The following SEPTIN7 variants were observed in gnomAD, a reference collection of about 807,000 sequenced individuals.
The protein encoded by SEPTIN7 is septin-7.
SEPTIN7 carries 10 observed loss-of-function variants against 63.3 expected under a neutral mutation model. That is an observed-to-expected ratio of 0.16 (90% CI 0.10 to 0.27). SEPTIN7 has a LOEUF of 0.27. Ranked by LOEUF, SEPTIN7 falls within the 10% of genes least tolerant of loss-of-function variation. SEPTIN7 has a pLI of 1.00. For missense variants in SEPTIN7, 310 were observed against 521.0 expected (o/e 0.59, Z 3.94); for synonymous variants, 131 against 165.3 (o/e 0.79, Z 1.59).
At chr7:35,874,003 C>T in intron 6 of SEPTIN7, 2 of 423,764 alleles carry the variant, frequency 4.7e-6, no homozygotes, top group Non-Finnish European at 8.3e-6. Context: ...TTCCCTGCTT[C>T]ATGAAATAAA....
chr7:35,841,676 T>C (rs1390625964), intron 3 of SEPTIN7, among the ~76,000 whole-genome samples: 3 of 152,214 alleles, frequency 2.0e-5, no homozygotes, highest in East Asian at 1.9e-4. Context: ...GACAGAAATA[T>C]GAAGGCCGCA....
intron 10 of SEPTIN7, chr7:35,888,885 A>G (rs1787457427): frequency 3.0e-6 from 1 of 333,178 alleles, no homozygotes; most frequent in East Asian, 8.2e-5. Context: ...TTATATTGGC[A>G]TAGGTATTTG....
At chr7:35,897,785 C>T (rs189763744) in intron 11 of SEPTIN7, among the ~76,000 whole-genome samples, 5 of 152,050 alleles carry the variant, frequency 3.3e-5, no homozygotes, top group Admixed American at 2.6e-4. Context: ...GTTCAGTTAC[C>T]AAAATAAATA....
chr7:35,879,996 T>C, intron 7 of SEPTIN7, 56 bp downstream of exon 7: 3 of 944,532 alleles, frequency 3.2e-6, no homozygotes, highest in South Asian at 1.4e-5. Context: ...TTTGCAGTTT[T>C]TACTATTTTT....
intron 6 of SEPTIN7, among the ~76,000 whole-genome samples, chr7:35,875,465 C>G (rs1443910645): frequency 6.6e-6 from 1 of 152,148 alleles, no homozygotes; most frequent in Non-Finnish European, 1.5e-5. Flanking sequence ...TCCGTCTTGT[C>G]TGGGTAGTCC....
rs530882909 is a variant in SEPTIN7 at position 35,881,728 on chromosome 7, T to G, written c.631-756T>G. On this transcript the variant is annotated intron_variant, in intron 7 of 13. Transcript: ENST00000350320. ...TTTAGGTATATTAGCCATTGGTTTG[T>G]TATGGGTTCAAATAAGGATAGGTAG... Among the ~76,000 whole-genome samples, 26 of 152,046 alleles carry G rather than the reference T, an allele frequency of 1.7e-4. No homozygotes were observed. The South Asian group carries it at 5.4e-3, about 32-fold the overall frequency.
chr7:35,915,127 A>ATACATGCATATACACATG, the SEPTIN7 span, among the ~76,000 whole-genome samples: 2 of 151,464 alleles, frequency 1.3e-5, no homozygotes, highest in Admixed American at 6.6e-5. Context: ...ACATGTGTAT[A>ATACATGCATATACACATG]TATACATGCA....
At chr7:35,895,851 G>C (rs762667119) in intron 11 of SEPTIN7, among the ~76,000 whole-genome samples, 15 of 152,102 alleles carry the variant, frequency 9.9e-5, no homozygotes, top group African/African-American at 3.4e-4. Context: ...TGCTCTGTCA[G>C]CCAGGCTGGA....
intron 3 of SEPTIN7, among the ~76,000 whole-genome samples, chr7:35,841,491 C>T (rs190418593): frequency 9.8e-4 from 149 of 152,058 alleles, no homozygotes; most frequent in African/African-American, 3.3e-3. Flanking sequence ...TTTGACAGAC[C>T]GAGAGGCCTA....
chr7:35,865,383 A>AT (rs1785756335), intron 4 of SEPTIN7, among the ~76,000 whole-genome samples: 1 of 152,172 alleles, frequency 6.6e-6, no homozygotes, highest in Admixed American at 6.5e-5. Context: ...CCTGTTCTTG[A>AT]ATGTTACATA....
intron 12 of SEPTIN7, chr7:35,898,602 A>G: frequency 2.5e-6 from 1 of 403,076 alleles, no homozygotes; most frequent in Non-Finnish European, 4.5e-6. Context: ...TATATTAGGT[A>G]GGACAGTGTA....
Position 35,855,577 on chromosome 7 carries a change from A to T in SEPTIN7, c.170-7975A>T, listed in dbSNP as rs865777339. ...TCCAAATACTTTAGTCAGATCTCTT[A>T]GATTTTTATGTGTAATACTCATTTT... On this transcript the variant is annotated intron_variant, in intron 3 of 13. Transcript: ENST00000350320. Among the ~76,000 whole-genome samples the T allele has an allele frequency of 2.0e-5, 3 of 152,286 alleles. No homozygotes were observed. The South Asian group carries it at 6.2e-4, about 32-fold the overall frequency.
intron 1 of SEPTIN7, among the ~76,000 whole-genome samples, chr7:35,828,836 C>T (rs56329851): frequency 6.6e-6 from 1 of 152,134 alleles, no homozygotes; most frequent in African/African-American, 2.4e-5. Context: ...TCACAGCTCA[C>T]TGAAGCCTCA....
At chr7:35,846,366 CTG>C (rs911208129) in intron 3 of SEPTIN7, among the ~76,000 whole-genome samples, 1 of 152,144 alleles carries the variant, frequency 6.6e-6, no homozygotes, top group African/African-American at 2.4e-5. Flanking sequence ...GTGTTTTTCT[CTG>C]TGTGTTTCAT....
At chr7:35,868,515 G>A (rs879489185) in intron 4 of SEPTIN7, among the ~76,000 whole-genome samples, 1 of 151,912 alleles carries the variant, frequency 6.6e-6, no homozygotes, top group African/African-American at 2.4e-5. Context: ...TGCTGTAGAG[G>A]TGACCTTGGC....
downstream of SEPTIN7, among the ~76,000 whole-genome samples, chr7:35,907,721 GA>G (rs1788657076): frequency 6.6e-6 from 1 of 152,216 alleles, no homozygotes; most frequent in Non-Finnish European, 1.5e-5. Context: ...CCCTGATTAA[GA>G]GGGGCAGCTG....
chr7:35,845,815 AT>A (rs568396538), intron 3 of SEPTIN7, among the ~76,000 whole-genome samples: 1 of 151,880 alleles, frequency 6.6e-6, no homozygotes, highest in Non-Finnish European at 1.5e-5. Context: ...TTAGGAATTG[AT>A]TTTTTTTAAA....
intron 1 of SEPTIN7, among the ~76,000 whole-genome samples, chr7:35,825,138 A>T (rs758181875): frequency 6.6e-6 from 1 of 152,146 alleles, no homozygotes; most frequent in Non-Finnish European, 1.5e-5. Context: ...CATCATCAAT[A>T]TTCTTGTCAG....
chr7:35,860,778 G>C (rs78053099), intron 3 of SEPTIN7, among the ~76,000 whole-genome samples: 2,165 of 152,264 alleles, frequency 0.014, 31 homozygotes, highest in African/African-American at 0.035. Context: ...TCAAGATTCT[G>C]TCTTGGCTTT....
Sources: allele counts gnomAD v4.1 joint callset (sites outside exome capture counted in the v4.1 genomes callset), GRCh38; gene constraint gnomAD v4.1.1; transcripts MANE v1.5; gene names NCBI Gene and HGNC (gene_info 2026-07-23, HGNC 2026-07-21).